TCTN1: variants seen among roughly 807,000 people sequenced by gnomAD.
The protein encoded by TCTN1 is tectonic family member 1, also known as tectonic-1.
A neutral mutation model predicts 65.8 loss-of-function variants in TCTN1; 58 were observed. The observed-to-expected ratio is 0.88, with a 90% CI of 0.71 to 1.10. The LOEUF (loss-of-function observed/expected upper bound fraction) is 1.10, where lower values mean the gene tolerates loss of function less well. Among genes scored for constraint, TCTN1 ranks in the 50% least tolerant of loss-of-function variants. TCTN1 has a pLI of 0.00. For missense variants in TCTN1, 645 were observed against 719.4 expected (o/e 0.90, Z 1.18); for synonymous variants, 273 against 289.1 (o/e 0.94, Z 0.57).
chr12:110,634,226 A>C (rs181762927), intron 5 of TCTN1, among the ~76,000 whole-genome samples: 101 of 152,294 alleles, frequency 6.6e-4, no homozygotes, highest in Non-Finnish European at 1.2e-3. Flanking sequence ...GAATATTTCT[A>C]GAAAGAGACA....
At chr12:110,642,818 A>G (rs1444143789) in intron 11 of TCTN1, among the ~76,000 whole-genome samples, 1 of 151,476 alleles carries the variant, frequency 6.6e-6, no homozygotes, top group African/African-American at 2.4e-5. Flanking sequence ...GTGCAGTGGT[A>G]TAATCTCAAC....
In TCTN1 at chr12:110,641,000, T is replaced by C; in HGVS notation, c.979-24T>C. ...TCTGAAATGTAATGGAACAGGTATA[T>C]TTGGAGTATCATTTTGTTTTTAGGT... On this transcript the variant is annotated intron_variant, in intron 8 of 14. Coordinates refer to ENST00000397659, the MANE Select transcript of TCTN1 (RefSeq NM_001082538.3). This position sits in a 1 kb window ranked among gnomAD's most constrained non-coding sequence, Gnocchi z 4.9. 6.2e-7 allele frequency: 1 copy of C among 1,614,202 alleles called. No individual in the cohort carries two copies. Among genetic ancestry groups the C allele is most frequent in the Non-Finnish European group, 8.5e-7 (1 of 1,180,026 alleles).
rs1009528937 is a variant in TCTN1 at position 110,641,095 on chromosome 12, A to G, written c.1050A>G (p.Thr350=). 8.7e-6 allele frequency: 14 copies of G among 1,614,160 alleles called. No homozygotes were observed. Among genetic ancestry groups the G allele is most frequent in the Non-Finnish European group, 1.2e-5 (14 of 1,180,058 alleles). ...TKADLSFVLG[T]VSSVVVPLQQ... is the part of the protein sequence containing the mutation. ...CTGATCTCTCATTCGTTCTGGGGACAGTTAGCAGCGTAGTGGTCCCACTGC... is the reference window on the plus strand; with the variant it reads ...CTGATCTCTCATTCGTTCTGGGGACGGTTAGCAGCGTAGTGGTCCCACTGC... Residue 350 remains threonine (T), a synonymous_variant, in exon 9 of 15, where the codon ACA becomes ACG. Coordinates refer to ENST00000397659, the MANE Select transcript of TCTN1 (RefSeq NM_001082538.3).
At chr12:110,620,300 C>T (rs189072624) in intron 2 of TCTN1, among the ~76,000 whole-genome samples, 4 of 151,734 alleles carry the variant, frequency 2.6e-5, no homozygotes, top group Non-Finnish European at 5.9e-5. Flanking sequence ...CCCAGCTACT[C>T]GGGAGGCTGA....
intron 1 of TCTN1, chr12:110,616,306 T>C (rs1461099640): frequency 2.2e-6 from 1 of 448,072 alleles, no homozygotes; most frequent in African/African-American, 2.0e-5. Flanking sequence ...GGCTGGAGTA[T>C]AGTGGCATGA....
In TCTN1 at chr12:110,614,158, G is replaced by C. The variant is rs1446197253; in HGVS notation, c.-25G>C. The stretch of plus-strand genomic sequence containing the variant: ...CCGGGCAACGCGCTGTCCATGTCGC[G>C]GGCCTCGCTGGGACTCCCTGGGAGA... On this transcript the variant is annotated 5_prime_UTR_variant, in exon 1 of 15. Coordinates refer to ENST00000397659, the MANE Select transcript of TCTN1 (RefSeq NM_001082538.3). The C allele has an allele frequency of 1.3e-6, 2 of 1,546,728 alleles. No homozygotes were observed. The highest frequency in any genetic ancestry group is 1.2e-5 in the South Asian group (1 of 84,038).
At chr12:110,620,134 G>A (rs550163677) in intron 2 of TCTN1, among the ~76,000 whole-genome samples, 178 bp downstream of exon 2, 5 of 152,146 alleles carry the variant, frequency 3.3e-5, no homozygotes, top group African/African-American at 4.8e-5. Context: ...CTGGCAGGGC[G>A]CAGTGGCTCA....
chr12:110,620,976 C>A (rs963240454), intron 2 of TCTN1, among the ~76,000 whole-genome samples: 2 of 151,968 alleles, frequency 1.3e-5, no homozygotes, highest in African/African-American at 2.4e-5. Flanking sequence ...CGATGCCTGG[C>A]GTATTTTTAG....
chr12:110,633,770 C>T (rs2066381271), intron 5 of TCTN1, among the ~76,000 whole-genome samples: 1 of 152,122 alleles, frequency 6.6e-6, no homozygotes, highest in African/African-American at 2.4e-5. Context: ...TGTGGGGAAA[C>T]AGGCAGTCCA....
chr12:110,637,078 C>G (rs1227654527), intron 7 of TCTN1, among the ~76,000 whole-genome samples: 1 of 152,200 alleles, frequency 6.6e-6, no homozygotes, highest in African/African-American at 2.4e-5. Flanking sequence ...GGTTTGCACC[C>G]TAGGTCTGCC....
At chr12:110,624,946 G>C (rs373101560) in intron 2 of TCTN1, among the ~76,000 whole-genome samples, 32 of 151,144 alleles carry the variant, frequency 2.1e-4, no homozygotes, top group African/African-American at 6.1e-4. Context: ...CACCCGCCTC[G>C]GCCTCCCAAA....
At position 110,644,889 on chromosome 12, in the gene TCTN1, G is replaced by A. The variant is rs2067195728; in HGVS notation, c.1332-78G>A. ...TCAAAAATAAATAAACAAAGGGAAG[G>A]AAAGGAAGAAGAAAATGAAAAACTG... On this transcript the variant is annotated intron_variant, in intron 11 of 14. Coordinates refer to ENST00000397659, the MANE Select transcript of TCTN1 (RefSeq NM_001082538.3). The surrounding 1 kb of genome is among the most constrained non-coding windows in gnomAD (Gnocchi z 4.6). 6 of 1,580,540 alleles carry A rather than the reference G, an allele frequency of 3.8e-6. No homozygotes were observed. Among genetic ancestry groups the A allele is most frequent in the Admixed American group, 3.3e-5 (2 of 59,894 alleles).
chr12:110,628,702 A>G (rs1246074753), intron 3 of TCTN1, 65 bp from the exon 4 acceptor site: 25 of 1,392,318 alleles, frequency 1.8e-5, no homozygotes, highest in Non-Finnish European at 2.4e-5. Context: ...AAACCTTTAT[A>G]TAGGTCATAC....
chr12:110,645,470 C>T (rs775524475), intron 12 of TCTN1: 12 of 354,312 alleles, frequency 3.4e-5, no homozygotes, highest in Non-Finnish European at 6.5e-5. Context: ...GATCCTCATC[C>T]TGTTGCTACC....
chr12:110,634,591 T>C (rs1434196369), intron 5 of TCTN1, 79 bp from the exon 6 acceptor site: 1 of 1,148,358 alleles, frequency 8.7e-7, no homozygotes, highest in Non-Finnish European at 1.3e-6. Context: ...AGATTAAAAC[T>C]TTTTAGTTGC....
At chr12:110,617,423 A>C (rs919760203) in intron 1 of TCTN1, among the ~76,000 whole-genome samples, 1 of 151,866 alleles carries the variant, frequency 6.6e-6, no homozygotes, top group African/African-American at 2.4e-5. Context: ...TCCCAGGTTC[A>C]AGCGATTCTC....
intron 5 of TCTN1, 165 bp from the exon 6 acceptor site, chr12:110,634,505 T>C: frequency 1.6e-6 from 1 of 640,426 alleles, no homozygotes. Flanking sequence ...GGTGAAACCT[T>C]GTCTCTACTA....
chr12:110,623,112 G>A (rs2065561070), intron 2 of TCTN1, among the ~76,000 whole-genome samples: 1 of 152,168 alleles, frequency 6.6e-6, no homozygotes, highest in Non-Finnish European at 1.5e-5. Flanking sequence ...ACCTCATCCT[G>A]TCAAGCACTC....
At chr12:110,633,773 G>A (rs549540318) in intron 5 of TCTN1, among the ~76,000 whole-genome samples, 10 of 152,320 alleles carry the variant, frequency 6.6e-5, no homozygotes, top group African/African-American at 2.2e-4. Context: ...GGGGAAACAG[G>A]CAGTCCACCT....
Sources: allele counts gnomAD v4.1 joint callset (sites outside exome capture counted in the v4.1 genomes callset), GRCh38; gene constraint gnomAD v4.1.1; non-coding constraint Gnocchi (gnomAD v3.1); transcripts MANE v1.5; gene names NCBI Gene and HGNC (gene_info 2026-07-23, HGNC 2026-07-21).